The following GPHN variants were observed in gnomAD, a reference collection of about 807,000 sequenced individuals.
The protein encoded by GPHN is gephyrin.
GPHN carries 17 observed loss-of-function variants against 95.5 expected under a neutral mutation model. The ratio of observed to expected loss-of-function variants is 0.18; its 90% CI spans 0.12 to 0.27. The LOEUF is 0.27. Ranked by LOEUF, GPHN falls within the 10% of genes least tolerant of loss-of-function variation. The probability of loss-of-function intolerance (pLI) is 1.00; values close to 1 mark genes in which losing one functional copy is unlikely to be tolerated. For synonymous variants in GPHN, 320 were observed against 322.5 expected, an observed-to-expected ratio of 0.99 and a Z score of 0.08; for missense variants, 660 against 978.1, an observed-to-expected ratio of 0.67 and a Z score of 4.34.
the GPHN span, among the ~76,000 whole-genome samples, chr14:67,546,370 G>A: frequency 6.6e-6 from 1 of 152,030 alleles, no homozygotes; most frequent in African/African-American, 2.4e-5. Context: ...ACAAGTGACA[G>A]GCAGATACAT....
At chr14:67,321,641 A>G in the GPHN span, among the ~76,000 whole-genome samples, 4 of 152,152 alleles carry the variant, frequency 2.6e-5, no homozygotes, top group South Asian at 8.3e-4. Flanking sequence ...CCTGAAGGTA[A>G]TTTTATTTTT....
At chr14:67,498,594 A>T in the GPHN span, among the ~76,000 whole-genome samples, 1 of 152,224 alleles carries the variant, frequency 6.6e-6, no homozygotes, top group Admixed American at 6.5e-5. Context: ...GCCAAGAAAG[A>T]CGAAGGAATG....
At chr14:67,359,345 C>T in the GPHN span, among the ~76,000 whole-genome samples, 2 of 152,186 alleles carry the variant, frequency 1.3e-5, no homozygotes, top group Non-Finnish European at 1.5e-5. Context: ...TTATATAAAT[C>T]CAGTGCCCGG....
chr14:67,223,976 A>G, the GPHN span: 1 of 984,960 alleles, frequency 1.0e-6, no homozygotes, highest in Non-Finnish European at 1.2e-6. Flanking sequence ...ATAGGCGGAA[A>G]TCAGAATAAT....
intron 1 of GPHN, among the ~76,000 whole-genome samples, chr14:66,583,622 G>A (rs2061293795): frequency 6.6e-6 from 1 of 152,102 alleles, no homozygotes; most frequent in East Asian, 1.9e-4. Context: ...AGTTTTCCCA[G>A]CAGCATTTAT....
intron 21 of GPHN, 138 bp downstream of exon 21, chr14:67,169,174 T>C: frequency 1.5e-6 from 1 of 684,398 alleles, no homozygotes; most frequent in Admixed American, 2.2e-5. Context: ...TCCCCCTGTG[T>C]ACTAGAAAAT....
At chr14:66,896,909 A>G (rs2153544653) in intron 5 of GPHN, among the ~76,000 whole-genome samples, 2 of 152,238 alleles carry the variant, frequency 1.3e-5, no homozygotes, top group Middle Eastern at 3.4e-3. Flanking sequence ...AAATTTTCCC[A>G]TAGAACACTG....
At chr14:67,044,426 G>A (rs556360407) in intron 10 of GPHN, among the ~76,000 whole-genome samples, 3 of 152,094 alleles carry the variant, frequency 2.0e-5, no homozygotes, top group Non-Finnish European at 4.4e-5. Context: ...GTTTTGTTTT[G>A]TTGGTATTTT....
the GPHN span, among the ~76,000 whole-genome samples, chr14:67,707,207 T>C: frequency 1.3e-5 from 2 of 152,218 alleles, no homozygotes; most frequent in Non-Finnish European, 2.9e-5. Context: ...AAACATTATT[T>C]TGAAGACTTG....
At chr14:67,390,479 C>T in the GPHN span, among the ~76,000 whole-genome samples, 1 of 152,320 alleles carries the variant, frequency 6.6e-6, no homozygotes, top group Non-Finnish European at 1.5e-5. Flanking sequence ...GCTCAAGAAG[C>T]AGGCACCTAT....
chr14:67,559,717 C>G, the GPHN span: 1 of 1,503,390 alleles, frequency 6.7e-7, no homozygotes, highest in Non-Finnish European at 9.2e-7. Context: ...ATCTTGGAGG[C>G]CTGCCAGAGG....
the GPHN span, among the ~76,000 whole-genome samples, chr14:67,622,415 C>T: frequency 1.3e-5 from 2 of 152,158 alleles, no homozygotes; most frequent in African/African-American, 4.8e-5. Context: ...TATACCTCCA[C>T]CTACATATGG....
the GPHN span, among the ~76,000 whole-genome samples, chr14:67,640,835 A>G: frequency 6.6e-6 from 1 of 152,226 alleles, no homozygotes; most frequent in South Asian, 2.1e-4. Context: ...TGTTGGACTC[A>G]TGAGGAATTC....
At chr14:67,695,941 G>C in the GPHN span, 1 of 507,784 alleles carries the variant, frequency 2.0e-6, no homozygotes, top group Admixed American at 3.6e-5. Flanking sequence ...AGGGCCTGTG[G>C]GATCATTCAC....
intron 21 of GPHN, among the ~76,000 whole-genome samples, chr14:67,171,754 C>T (rs1165084344): frequency 2.0e-5 from 3 of 152,072 alleles, no homozygotes; most frequent in Non-Finnish European, 2.9e-5. Flanking sequence ...GTAACAGAAA[C>T]CCTGGTGAGC....
At chr14:67,646,715 G>C in the GPHN span, 1 of 1,613,436 alleles carries the variant, frequency 6.2e-7, no homozygotes, top group Non-Finnish European at 8.5e-7. Context: ...ATATTGGTCT[G>C]AGAGACGTGG....
chr14:67,045,613 G>A (rs760970368), intron 10 of GPHN, among the ~76,000 whole-genome samples: 2 of 145,726 alleles, frequency 1.4e-5, no homozygotes, highest in Non-Finnish European at 3.0e-5. Flanking sequence ...CTCTGTCTGT[G>A]TCTCTGTCTC....
At chr14:66,644,396 A>T (rs1436527992) in intron 1 of GPHN, among the ~76,000 whole-genome samples, 1 of 151,932 alleles carries the variant, frequency 6.6e-6, no homozygotes, top group African/African-American at 2.4e-5. Flanking sequence ...ATCTTTTCTG[A>T]TTGCCTTGAT....
intron 12 of GPHN, 89 bp from the exon 13 acceptor site, chr14:67,100,767 A>G (rs1445336634): frequency 2.4e-6 from 2 of 842,228 alleles, no homozygotes; most frequent in Non-Finnish European, 4.1e-6. Context: ...AAATAATTTG[A>G]GTCAAATTTT....
Sources: allele counts gnomAD v4.1 joint callset (sites outside exome capture counted in the v4.1 genomes callset), GRCh38; gene constraint gnomAD v4.1.1; transcripts MANE v1.5; gene names NCBI Gene and HGNC (gene_info 2026-07-23, HGNC 2026-07-21).